The following NBAS variants were observed in gnomAD, a reference collection of about 807,000 sequenced individuals.
NBAS encodes the protein NAG/BC035112 fusion.
Under a neutral mutation model 302.5 loss-of-function variants are expected in NBAS, and 219 were observed. The observed-to-expected ratio is 0.72, with a 90% CI of 0.65 to 0.81. The LOEUF (loss-of-function observed/expected upper bound fraction) is 0.81, where lower values mean the gene tolerates loss of function less well. NBAS is among the 30% of genes least tolerant of loss of function. The pLI, the probability that NBAS is intolerant of heterozygous loss-of-function variation, is 0.00. For missense variants in NBAS, 2,932 were observed against 2,841.6 expected (o/e 1.03, Z -0.72); for synonymous variants, 1,118 against 1,021.6 (o/e 1.09, Z -1.80).
the NBAS span, among the ~76,000 whole-genome samples, chr2:15,111,153 T>C: frequency 6.6e-6 from 1 of 152,082 alleles, no homozygotes; most frequent in Non-Finnish European, 1.5e-5. Flanking sequence ...TCTACCATAA[T>C]GAGAGAAGTT....
chr2:15,490,720 AACT>A (rs1166427132), intron 11 of NBAS, among the ~76,000 whole-genome samples: 1 of 152,228 alleles, frequency 6.6e-6, no homozygotes, highest in Admixed American at 6.5e-5. Context: ...GCAAAATCTG[AACT>A]AGAATGTGGA....
At chr2:15,440,730 C>G (rs1184761210) in intron 21 of NBAS, among the ~76,000 whole-genome samples, 2 of 151,960 alleles carry the variant, frequency 1.3e-5, no homozygotes, top group Non-Finnish European at 2.9e-5. Context: ...GAAATTCAAA[C>G]CAAAGGCAAA....
At chr2:15,174,431 T>C (rs1197317262) in intron 51 of NBAS, among the ~76,000 whole-genome samples, 1 of 152,138 alleles carries the variant, frequency 6.6e-6, no homozygotes, top group Non-Finnish European at 1.5e-5. Flanking sequence ...CTAAGGTCAA[T>C]GTGTTGAAGA....
intron 12 of NBAS, among the ~76,000 whole-genome samples, chr2:15,480,194 A>C (rs1243048167): frequency 2.6e-5 from 4 of 152,074 alleles, no homozygotes; most frequent in African/African-American, 9.7e-5. Flanking sequence ...AAAAATAATT[A>C]GCCAGGCACA....
At chr2:15,139,931 A>G in the NBAS span, among the ~76,000 whole-genome samples, 2 of 152,124 alleles carry the variant, frequency 1.3e-5, no homozygotes, top group Non-Finnish European at 2.9e-5. Context: ...TTCTAATGTG[A>G]CTTTGACATT....
chr2:15,134,125 C>A, the NBAS span, among the ~76,000 whole-genome samples: 1 of 151,440 alleles, frequency 6.6e-6, no homozygotes, highest in East Asian at 2.0e-4. Flanking sequence ...CCCAAATTCA[C>A]ATGTTGAAAT....
the NBAS span, among the ~76,000 whole-genome samples, chr2:14,937,575 TA>T: frequency 6.6e-6 from 1 of 152,156 alleles, no homozygotes; most frequent in African/African-American, 2.4e-5. Context: ...ATCGCTGGGC[TA>T]AAGCATTGGG....
chr2:14,783,696 A>G, the NBAS span, among the ~76,000 whole-genome samples: 1 of 151,982 alleles, frequency 6.6e-6, no homozygotes, highest in Non-Finnish European at 1.5e-5. Flanking sequence ...TATATGTGCC[A>G]TATTTTCTTA....
rs548015383 is a variant in NBAS, at chr2:15,333,803, A to G, written c.4180-3038T>C. On this transcript the variant is annotated intron_variant, in intron 35 of 51. Transcript: ENST00000281513. ...AAGGAAAGTCAGTAACAGATAAACT[A>G]TAATTGTTTGTGAAGCAAGGTTAGA... Among the ~76,000 whole-genome samples the G allele has an allele frequency of 7.9e-4, 120 of 151,238 alleles. 2 individuals are homozygous for G. The highest frequency in any genetic ancestry group is 7.8e-3 in the Admixed American group (119 of 15,182).
At chr2:14,889,256 C>T in the NBAS span, among the ~76,000 whole-genome samples, 3 of 152,326 alleles carry the variant, frequency 2.0e-5, no homozygotes, top group African/African-American at 7.2e-5. Context: ...GCAGTCTCTG[C>T]CTGTTGCTTT....
At chr2:14,812,503 T>C in the NBAS span, among the ~76,000 whole-genome samples, 1 of 152,164 alleles carries the variant, frequency 6.6e-6, no homozygotes, top group South Asian at 2.1e-4. Context: ...ACATGTTCCA[T>C]AGTAGATAAC....
At chr2:14,781,128 T>C in the NBAS span, among the ~76,000 whole-genome samples, 1 of 152,238 alleles carries the variant, frequency 6.6e-6, no homozygotes, top group African/African-American at 2.4e-5. Flanking sequence ...TCTCCCTCTT[T>C]ACTGGGATTG....
the NBAS span, among the ~76,000 whole-genome samples, chr2:15,023,043 C>A: frequency 6.6e-6 from 1 of 151,972 alleles, no homozygotes; most frequent in African/African-American, 2.4e-5. Flanking sequence ...TATTTCTCCT[C>A]ATCTGCACCC....
the NBAS span, among the ~76,000 whole-genome samples, chr2:15,006,239 A>G: frequency 6.6e-6 from 1 of 152,226 alleles, no homozygotes; most frequent in South Asian, 2.1e-4. Context: ...AGCCTTTATC[A>G]AGAACTTATC....
chr2:15,088,407 T>C, the NBAS span, among the ~76,000 whole-genome samples: 2 of 152,240 alleles, frequency 1.3e-5, no homozygotes, highest in Non-Finnish European at 2.9e-5. Flanking sequence ...TCTTTCTGTT[T>C]CTCTGCAAAG....
At chr2:15,300,538 A>G (rs888029642) in intron 40 of NBAS, among the ~76,000 whole-genome samples, 1 of 152,206 alleles carries the variant, frequency 6.6e-6, no homozygotes, top group Non-Finnish European at 1.5e-5. Context: ...CTTCAAATCC[A>G]TGAGGGTCAG....
At chr2:14,890,082 A>G in the NBAS span, among the ~76,000 whole-genome samples, 1 of 152,224 alleles carries the variant, frequency 6.6e-6, no homozygotes, top group East Asian at 1.9e-4. Context: ...TTCCTAATAT[A>G]TTATTCTAAA....
At chr2:14,909,976 A>G in the NBAS span, among the ~76,000 whole-genome samples, 1 of 152,220 alleles carries the variant, frequency 6.6e-6, no homozygotes, top group African/African-American at 2.4e-5. Context: ...GTTCCTGCTA[A>G]TTAAAAACAG....
intron 32 of NBAS, among the ~76,000 whole-genome samples, chr2:15,363,801 G>A (rs1294661016): frequency 6.6e-6 from 1 of 152,162 alleles, no homozygotes; most frequent in African/African-American, 2.4e-5. Flanking sequence ...TCCAATCTGA[G>A]CAGGTGGATT....
Sources: allele counts gnomAD v4.1 joint callset (sites outside exome capture counted in the v4.1 genomes callset), GRCh38; gene constraint gnomAD v4.1.1; transcripts MANE v1.5; gene names NCBI Gene and HGNC (gene_info 2026-07-23, HGNC 2026-07-21).